DMD: variants seen among roughly 807,000 people sequenced by gnomAD.
DMD encodes dystrophin.
In DMD, 63 loss-of-function variants were observed where a neutral mutation model predicts 330.1. That is an observed-to-expected ratio of 0.19 (90% confidence interval 0.16 to 0.24). DMD has a LOEUF of 0.24. DMD is among the 10% of genes least tolerant of loss of function. The pLI is 1.00. For missense variants in DMD, 3,344 were observed against 2,684.1 expected (o/e 1.25, Z -5.43); for synonymous variants, 1,223 against 959.8 (o/e 1.27, Z -5.07).
intron 30 of DMD, 44 bp downstream of exon 30, chrX:32,411,708 T>C (rs1208955973): frequency 8.4e-7 from 1 of 1,189,816 alleles, no homozygotes; most frequent in African/African-American, 1.8e-5. Flanking sequence ...TTTGTTGAAG[T>C]AATAAAAACA....
At chrX:31,354,441 AAAG>A (rs1316679359) in intron 60 of DMD, among the ~76,000 whole-genome samples, 2 of 111,219 alleles carry the variant, frequency 1.8e-5, no homozygotes, top group Admixed American at 9.6e-5. Context: ...AAAGTAAAAA[AAAG>A]AAAAGAAGAA....
chrX:32,030,361 C>G (rs1163080886), intron 44 of DMD, among the ~76,000 whole-genome samples: 1 of 112,195 alleles, frequency 8.9e-6, no homozygotes, highest in East Asian at 2.8e-4. Context: ...ATATTTAGCT[C>G]TGTTACAGCA....
intron 59 of DMD, among the ~76,000 whole-genome samples, chrX:31,474,057 G>GT (rs1213962649): frequency 8.9e-6 from 1 of 111,943 alleles, no homozygotes; most frequent in African/African-American, 3.2e-5. Context: ...TGATTCTACT[G>GT]TTTTTTCCTA....
At chrX:32,419,700 A>C (rs184684414) in intron 29 of DMD, among the ~76,000 whole-genome samples, 1 of 112,343 alleles carries the variant, frequency 8.9e-6, no homozygotes, top group Non-Finnish European at 1.9e-5. Context: ...ACCAGGAAAG[A>C]ATATAAATGT....
At chrX:31,390,478 T>C in intron 60 of DMD, among the ~76,000 whole-genome samples, 2 of 110,816 alleles carry the variant, frequency 1.8e-5, no homozygotes, top group Non-Finnish European at 3.8e-5. Flanking sequence ...TGAACATGTC[T>C]AAAACTGAAC....
intron 1 of DMD, among the ~76,000 whole-genome samples, chrX:33,127,599 GTA>G (rs2095472742): frequency 3.6e-5 from 4 of 110,297 alleles, no homozygotes; most frequent in Admixed American, 2.9e-4. Context: ...AAATGTGAGT[GTA>G]TATGTGTATG....
intron 13 of DMD, among the ~76,000 whole-genome samples, chrX:32,582,829 T>C (rs2053800084): frequency 1.8e-5 from 2 of 111,895 alleles, no homozygotes; most frequent in South Asian, 3.8e-4. Context: ...CAAAAACATA[T>C]TCTCTGCCTC....
At chrX:31,891,503 T>C (rs67373233) in intron 47 of DMD, among the ~76,000 whole-genome samples, 22,280 of 110,941 alleles carry the variant, frequency 0.2, 1,697 homozygotes, top group Non-Finnish European at 0.23. Context: ...TATGTCTTTG[T>C]ACAGTTTGAG....
chrX:32,728,022 C>T (rs1194207265), intron 7 of DMD, among the ~76,000 whole-genome samples: 2 of 111,320 alleles, frequency 1.8e-5, no homozygotes, highest in Non-Finnish European at 3.8e-5. Flanking sequence ...TAGGCAAGGC[C>T]TCTATCAATC....
intron 2 of DMD, among the ~76,000 whole-genome samples, chrX:32,857,080 AAAAAAAAAAT>A (rs1370687098): frequency 9.0e-6 from 1 of 111,082 alleles, no homozygotes; most frequent in Non-Finnish European, 1.9e-5. Context: ...GTCTCAAAAA[AAAAAAAAAAT>A]TTGAAGTGGA....
chrX:32,898,072 G>A (rs945395580), intron 2 of DMD, among the ~76,000 whole-genome samples: 1 of 111,998 alleles, frequency 8.9e-6, no homozygotes, highest in Non-Finnish European at 1.9e-5. Flanking sequence ...GAGCCTCCAC[G>A]TAAGTCTTTA....
At chrX:32,331,435 A>C (rs948258816) in intron 41 of DMD, among the ~76,000 whole-genome samples, 4 of 111,941 alleles carry the variant, frequency 3.6e-5, no homozygotes, top group Non-Finnish European at 3.8e-5. Flanking sequence ...AAAACTGCAC[A>C]TATCAATAAT....
chrX:32,699,087 A>C (rs759686876), intron 8 of DMD, 25 bp downstream of exon 8: 2 of 1,182,023 alleles, frequency 1.7e-6, no homozygotes, highest in South Asian at 3.6e-5. Flanking sequence ...CATCTTGAAT[A>C]GTAGCTGTCC....
At chrX:31,303,722 G>C (rs1261042410) in intron 62 of DMD, among the ~76,000 whole-genome samples, 2 of 111,510 alleles carry the variant, frequency 1.8e-5, no homozygotes, top group Non-Finnish European at 3.8e-5. Context: ...GACTTTTTGA[G>C]TTTTCTCCTC....
chrX:33,102,529 A>G (rs1319814410), intron 1 of DMD, among the ~76,000 whole-genome samples: 1 of 111,417 alleles, frequency 9.0e-6, no homozygotes, highest in Non-Finnish European at 1.9e-5. Context: ...TGGAGGTTTT[A>G]TTTTAAAAAA....
chrX:32,546,723 GT>G (rs1481825204), intron 16 of DMD, among the ~76,000 whole-genome samples: 1 of 111,190 alleles, frequency 9.0e-6, no homozygotes, highest in African/African-American at 3.3e-5. Context: ...CCAAGCACAG[GT>G]TTTATCTTCT....
chrX:31,181,627 T>A (rs768617265), intron 68 of DMD, among the ~76,000 whole-genome samples: 37 of 112,166 alleles, frequency 3.3e-4, no homozygotes, highest in African/African-American at 1.0e-3. Context: ...CTCACTGTTG[T>A]CTATCTAGGC....
chrX:31,393,346 G>A (rs779716692), intron 60 of DMD, among the ~76,000 whole-genome samples: 17 of 109,054 alleles, frequency 1.6e-4, no homozygotes, highest in African/African-American at 4.7e-4. Flanking sequence ...GCATGGTGGC[G>A]GACGCCTGTA....
At chrX:32,340,695 A>G (rs1189240912) in intron 41 of DMD, among the ~76,000 whole-genome samples, 1 of 111,903 alleles carries the variant, frequency 8.9e-6, no homozygotes, top group Non-Finnish European at 1.9e-5. Flanking sequence ...TTGAGGTGAA[A>G]CTATTTTATT....
Sources: gnomAD v4.1 joint callset for allele counts (sites outside exome capture counted in the v4.1 genomes callset) on GRCh38, gnomAD v4.1.1 for gene constraint, MANE v1.5 for transcripts, NCBI Gene and HGNC (gene_info 2026-07-23, HGNC 2026-07-21) for gene names.